TUSC3: variants seen among roughly 807,000 people sequenced by gnomAD.
TUSC3 encodes dolichyl-diphosphooligosaccharide--protein glycosyltransferase subunit TUSC3.
Under a neutral mutation model 44.8 loss-of-function variants are expected in TUSC3, and 45 were observed. That is an observed-to-expected ratio of 1.00 (90% CI 0.79 to 1.29). TUSC3 has a LOEUF of 1.29. Ranked by LOEUF, TUSC3 falls within the 50% of genes most tolerant of loss-of-function variation. The probability of loss-of-function intolerance (pLI) is 0.00; values close to 1 mark genes in which losing one functional copy is unlikely to be tolerated. For missense variants in TUSC3, 519 were observed against 437.9 expected (o/e 1.19, Z -1.65); for synonymous variants, 212 against 152.9 (o/e 1.39, Z -2.85).
chr8:15,844,474 A>G, the TUSC3 span, among the ~76,000 whole-genome samples: 3 of 152,142 alleles, frequency 2.0e-5, no homozygotes, highest in Non-Finnish European at 2.9e-5. Flanking sequence ...ACAAACGGAG[A>G]ACAAAAGAGT....
chr8:15,458,438 C>A (rs557498514), intron 1 of TUSC3, among the ~76,000 whole-genome samples: 1 of 152,078 alleles, frequency 6.6e-6, no homozygotes, highest in Non-Finnish European at 1.5e-5. Context: ...GAGGTTTCAC[C>A]ATGTTGCGCA....
chr8:15,821,571 C>G, the TUSC3 span, among the ~76,000 whole-genome samples: 1 of 151,272 alleles, frequency 6.6e-6, no homozygotes, highest in Non-Finnish European at 1.5e-5. Flanking sequence ...CTTACTCTCC[C>G]AAAAAGATGA....
rs1812266393 is a variant in TUSC3 at position 15,764,275 on chromosome 8, C to G, written c.*119C>G. 1.9e-6 allele frequency: 3 copies of G among 1,555,700 alleles called. No homozygotes were observed. Among genetic ancestry groups the G allele is most frequent in the Non-Finnish European group, 8.8e-7 (1 of 1,130,720 alleles). On this transcript the variant is annotated 3_prime_UTR_variant, in exon 11 of 11. Coordinates refer to ENST00000503731, the MANE Select transcript of TUSC3 (RefSeq NM_006765.4). ...TACCATGAAGATAAACTGTTCCTGACTTTATACTATTTTGAATTCATTCAT... is the reference window on the plus strand; with the variant it reads ...TACCATGAAGATAAACTGTTCCTGAGTTTATACTATTTTGAATTCATTCAT...
At chr8:15,483,195 G>T (rs1027623178) in intron 1 of TUSC3, among the ~76,000 whole-genome samples, 2 of 152,034 alleles carry the variant, frequency 1.3e-5, no homozygotes, top group African/African-American at 4.8e-5. Context: ...TTTTGCAAAA[G>T]AAAAAGAAAT....
intron 7 of TUSC3, chr8:15,733,355 T>TG (rs779432146): frequency 4.9e-6 from 2 of 406,248 alleles, no homozygotes; most frequent in East Asian, 7.8e-5. Flanking sequence ...CTTTTTGTTT[T>TG]TTTTTTTTTC....
chr8:15,434,910 C>G (rs28679816), intron 1 of TUSC3, among the ~76,000 whole-genome samples: 7,471 of 151,032 alleles, frequency 0.049, 386 homozygotes, highest in South Asian at 0.14. Flanking sequence ...GTATATGTGC[C>G]ACATTTTCTT....
chr8:15,671,193 C>T (rs1015880346), intron 5 of TUSC3, among the ~76,000 whole-genome samples: 1 of 151,898 alleles, frequency 6.6e-6, no homozygotes, highest in Non-Finnish European at 1.5e-5. Context: ...ATGTTTCTTA[C>T]CTTGGGCAGG....
At chr8:15,754,587 C>CTA (rs1811844650) in intron 9 of TUSC3, among the ~76,000 whole-genome samples, 1 of 151,818 alleles carries the variant, frequency 6.6e-6, no homozygotes, top group Non-Finnish European at 1.5e-5. Context: ...TACTTTTTTT[C>CTA]CTTTTCTTAA....
chr8:15,561,889 C>T (rs1200734360), intron 1 of TUSC3, among the ~76,000 whole-genome samples: 2 of 152,156 alleles, frequency 1.3e-5, no homozygotes, highest in Admixed American at 1.3e-4. Flanking sequence ...CACCCACTCT[C>T]CTGCACCCAC....
chr8:15,431,657 C>G (rs1799874999), intron 1 of TUSC3, among the ~76,000 whole-genome samples: 1 of 141,972 alleles, frequency 7.0e-6, no homozygotes, highest in Admixed American at 7.0e-5. Flanking sequence ...GATTTGGATT[C>G]CATTTTTTCT....
intron 1 of TUSC3, among the ~76,000 whole-genome samples, chr8:15,585,263 A>G (rs142804115): frequency 0.018 from 2,705 of 152,256 alleles, 33 homozygotes; most frequent in Middle Eastern, 0.037. Context: ...AGTCCTTGGC[A>G]ATTTCATTCA....
intron 8 of TUSC3, among the ~76,000 whole-genome samples, chr8:15,746,277 T>C (rs927483289): frequency 1.3e-5 from 2 of 151,464 alleles, no homozygotes; most frequent in African/African-American, 2.4e-5. Flanking sequence ...GGTAGATGTT[T>C]GTTTCTCTAA....
At chr8:15,520,794 A>G (rs78281946) in intron 2 of TUSC3, among the ~76,000 whole-genome samples, 1 of 152,308 alleles carries the variant, frequency 6.6e-6, no homozygotes, top group East Asian at 1.9e-4. Context: ...AACATACAGT[A>G]AGGTTTTTCT....
chr8:15,544,900 G>C (rs548915065), intron 1 of TUSC3, among the ~76,000 whole-genome samples: 1 of 151,790 alleles, frequency 6.6e-6, no homozygotes, highest in Non-Finnish European at 1.5e-5. Context: ...CTGCTTGTCA[G>C]GAATGCCATA....
At chr8:15,521,113 G>T (rs186258384) in intron 2 of TUSC3, among the ~76,000 whole-genome samples, 1 of 152,144 alleles carries the variant, frequency 6.6e-6, no homozygotes, top group Non-Finnish European at 1.5e-5. Flanking sequence ...GCAGGACAGT[G>T]CTAGAGATCC....
At chr8:15,640,407 A>G (rs780580125) in intron 2 of TUSC3, among the ~76,000 whole-genome samples, 5 of 152,202 alleles carry the variant, frequency 3.3e-5, no homozygotes, top group Non-Finnish European at 7.3e-5. Flanking sequence ...GAATGTGACC[A>G]TGTGCTGATT....
chr8:15,470,121 A>C (rs1324494368), intron 1 of TUSC3, among the ~76,000 whole-genome samples: 1 of 151,950 alleles, frequency 6.6e-6, no homozygotes, highest in Non-Finnish European at 1.5e-5. Flanking sequence ...AAAAAAGCTA[A>C]AAATTAGCCT....
At chr8:15,716,151 G>A (rs752499325) in intron 6 of TUSC3, among the ~76,000 whole-genome samples, 1 of 152,106 alleles carries the variant, frequency 6.6e-6, no homozygotes, top group Non-Finnish European at 1.5e-5. Flanking sequence ...AGTTACTCGG[G>A]AGGCTGAGGC....
At chr8:15,437,684 A>G (rs1799966707) in intron 1 of TUSC3, among the ~76,000 whole-genome samples, 1 of 152,244 alleles carries the variant, frequency 6.6e-6, no homozygotes, top group Admixed American at 6.5e-5. Flanking sequence ...GAAATAACAG[A>G]GGCAACACTT....
Sources: gnomAD v4.1 joint callset for allele counts (sites outside exome capture counted in the v4.1 genomes callset) on GRCh38, gnomAD v4.1.1 for gene constraint, MANE v1.5 for transcripts, NCBI Gene and HGNC (gene_info 2026-07-23, HGNC 2026-07-21) for gene names.